The following NFIX variants were observed in gnomAD, a reference collection of about 807,000 sequenced individuals.
NFIX encodes nuclear factor I X, also known as nuclear factor 1 X-type.
A neutral mutation model predicts 53.3 loss-of-function variants in NFIX; 2 were observed. That is an observed-to-expected ratio of 0.04 (90% confidence interval 0.02 to 0.12). The LOEUF (loss-of-function observed/expected upper bound fraction) is 0.12, where lower values mean the gene tolerates loss of function less well. Ranked by LOEUF, NFIX falls within the 10% of genes least tolerant of loss-of-function variation. The pLI is 1.00. For synonymous variants in NFIX, 244 were observed against 289.0 expected (o/e 0.84, Z 1.58); for missense variants, 310 against 674.5 (o/e 0.46, Z 5.99).
At chr19:12,999,622 T>C (rs2011603899) in intron 1 of NFIX, among the ~76,000 whole-genome samples, 1 of 152,122 alleles carries the variant, frequency 6.6e-6, no homozygotes, top group African/African-American at 2.4e-5. Context: ...CACACACGGA[T>C]ACACCCGCTC....
At chr19:13,024,519 C>A in intron 1 of NFIX, 2 of 1,514,198 alleles carry the variant, frequency 1.3e-6, no homozygotes, top group Non-Finnish European at 1.8e-6. Context: ...AAAAATCGAC[C>A]GGTGTCGGGG....
At chr19:13,010,813 C>T (rs975170901) in intron 1 of NFIX, among the ~76,000 whole-genome samples, 1 of 152,158 alleles carries the variant, frequency 6.6e-6, no homozygotes, top group African/African-American at 2.4e-5. Flanking sequence ...GGCTTCAAAG[C>T]GGCATTCAGG....
intron 1 of NFIX, among the ~76,000 whole-genome samples, chr19:13,010,207 G>A (rs564625505): frequency 4.6e-5 from 7 of 152,192 alleles, no homozygotes; most frequent in Non-Finnish European, 7.3e-5. Flanking sequence ...GCGGGCGGCC[G>A]GCCCTGCCCC....
At chr19:12,999,974 G>A (rs969090915) in intron 1 of NFIX, among the ~76,000 whole-genome samples, 4 of 152,210 alleles carry the variant, frequency 2.6e-5, no homozygotes, top group Non-Finnish European at 5.9e-5. Context: ...GAGATGAGCT[G>A]GGGCTCCGTG....
intron 2 of NFIX, among the ~76,000 whole-genome samples, chr19:13,058,137 G>A (rs2015827749): frequency 6.6e-6 from 1 of 152,034 alleles, no homozygotes; most frequent in Admixed American, 6.5e-5. Context: ...CCCAGCTCCT[G>A]CTTCTCTGGA....
In NFIX at chr19:13,094,514, C is replaced by A; in HGVS notation, c.1495-121C>A. 1.0e-6 allele frequency: 1 copy of A among 990,450 alleles called. No homozygotes were observed. The highest frequency in any genetic ancestry group is 1.5e-6 in the Non-Finnish European group (1 of 670,058). The allele number at this position is 990,450 out of a possible 1,614,324, so 61.4% of individuals were successfully genotyped here. A position where few individuals can be genotyped will look rare whatever the true frequency, so the allele number is the denominator to read the frequency against. On this transcript the variant is annotated intron_variant, in intron 10 of 10. Transcript: ENST00000592199. This position sits in a 1 kb window ranked among gnomAD's most constrained non-coding sequence, Gnocchi z 4.3. Reference sequence around the variant, plus strand: ...ATGGGAACAAGGTGGGTGGTGGCTGCCCGGCACCCTGGCTCTTTGGGAGCT... The same window carrying A: ...ATGGGAACAAGGTGGGTGGTGGCTGACCGGCACCCTGGCTCTTTGGGAGCT...
At chr19:13,033,894 T>C (rs1204511864) in intron 2 of NFIX, among the ~76,000 whole-genome samples, 1 of 152,234 alleles carries the variant, frequency 6.6e-6, no homozygotes, top group Admixed American at 6.5e-5. Flanking sequence ...GCTCGTTTTG[T>C]CAGCTGCCTG....
chr19:13,002,889 G>A lies in NFIX; in HGVS notation c.27+7025G>A, dbSNP rs370656565. 1.3e-5 allele frequency among the ~76,000 whole-genome samples: 2 copies of A among 152,162 alleles called. No individual in the cohort carries two copies. Among genetic ancestry groups the A allele is most frequent in the South Asian group, 4.1e-4 (2 of 4,834 alleles). On this transcript the variant is annotated intron_variant, in intron 1 of 10. Transcript: ENST00000592199. The surrounding 1 kb of genome is among the most constrained non-coding windows in gnomAD (Gnocchi z 6.1). The stretch of plus-strand genomic sequence containing the variant: ...CCTGCCCCCTCAGCTGAAGCTCAGT[G>A]CCAGCCTTCCTGGCACAGATCGGGC...
At chr19:13,079,465 C>T (rs1004545310) in intron 7 of NFIX, among the ~76,000 whole-genome samples, 1 of 152,216 alleles carries the variant, frequency 6.6e-6, no homozygotes, top group Non-Finnish European at 1.5e-5. Flanking sequence ...CACTCCTTCA[C>T]TTTCTTCTTC....
In NFIX at chr19:13,060,442, G is replaced by C. The variant is rs549637313; in HGVS notation, c.560-12605G>C. ...TTGCCTCCTGGGGCATCAGCTCCCA[G>C]CTTGTGCTGCACCCTCTGACCACAA... is the stretch of plus-strand genomic sequence containing the variant. On this transcript the variant is annotated intron_variant, in intron 2 of 10. Coordinates refer to ENST00000592199, the MANE Select transcript of NFIX (RefSeq NM_001365902.3). The surrounding 1 kb of genome is among the most constrained non-coding windows in gnomAD (Gnocchi z 4.3). Among the ~76,000 whole-genome samples, 1 of 152,312 alleles carries C rather than the reference G, an allele frequency of 6.6e-6. No individual in the cohort carries two copies. Among genetic ancestry groups the C allele is most frequent in the South Asian group, 2.1e-4 (1 of 4,832 alleles).
At chr19:13,074,306 G>A (rs1369894797) in intron 5 of NFIX, among the ~76,000 whole-genome samples, 1 of 152,180 alleles carries the variant, frequency 6.6e-6, no homozygotes, top group Non-Finnish European at 1.5e-5. Flanking sequence ...GTCTTGGGGA[G>A]GTGACATTTG....
rs554880433 is a variant in NFIX at position 13,052,877 on chromosome 19, A to T, written c.560-20170A>T. Among the ~76,000 whole-genome samples the T allele has an allele frequency of 9.2e-5, 14 of 152,312 alleles. No homozygotes were observed. Among genetic ancestry groups the T allele is most frequent in the Non-Finnish European group, 5.9e-5 (4 of 68,024 alleles). On this transcript the variant is annotated intron_variant, in intron 2 of 10. Coordinates refer to ENST00000592199, the MANE Select transcript of NFIX (RefSeq NM_001365902.3). The surrounding 1 kb of genome is among the most constrained non-coding windows in gnomAD (Gnocchi z 5.2). ...GCCTGGCACTGCAGCCCAAGTCCCC[A>T]GGAGTCTGTGTCTTCCCATGTTCCC...
At chr19:13,041,264 G>T (rs1286872558) in intron 2 of NFIX, among the ~76,000 whole-genome samples, 1 of 152,122 alleles carries the variant, frequency 6.6e-6, no homozygotes. Context: ...TGCCTGGTAC[G>T]TACAGTCCCT....
At chr19:13,058,443 G>T (rs922721114) in intron 2 of NFIX, among the ~76,000 whole-genome samples, 2 of 151,846 alleles carry the variant, frequency 1.3e-5, no homozygotes, top group African/African-American at 4.8e-5. Context: ...GAGCCCAGGG[G>T]TTCGAGACCA....
chr19:13,081,988 A>C lies in NFIX; in HGVS notation c.1254+133A>C. On this transcript the variant is annotated intron_variant, in intron 8 of 10. Transcript: ENST00000592199. The surrounding 1 kb of genome is among the most constrained non-coding windows in gnomAD (Gnocchi z 4.7). ...GCTGGAGCAGCAGGGAGCTGGTAGTACCAAACGCCTCGATTTTCTGGGTCT... is the reference window on the plus strand; with the variant it reads ...GCTGGAGCAGCAGGGAGCTGGTAGTCCCAAACGCCTCGATTTTCTGGGTCT... 1 of 1,002,834 alleles carries C rather than the reference A, an allele frequency of 1.0e-6. No individual in the cohort carries two copies. Among genetic ancestry groups the C allele is most frequent in the Non-Finnish European group, 1.5e-6 (1 of 688,090 alleles). The allele number at this position is 1,002,834 out of a possible 1,614,324, so 62.1% of individuals were successfully genotyped here.
Position 13,028,455 on chromosome 19 carries a change from A to G in NFIX, c.559+2903A>G, listed in dbSNP as rs2013541541. 1.3e-5 allele frequency among the ~76,000 whole-genome samples: 2 copies of G among 152,194 alleles called. No homozygotes were observed. The highest frequency in any genetic ancestry group is 1.3e-4 in the Admixed American group (2 of 15,286). The stretch of plus-strand genomic sequence containing the variant: ...TTGCTCCCAGGTGCCATTGTCACCC[A>G]TGGCCTTCCTGAGCCCTTGTTATGT... On this transcript the variant is annotated intron_variant, in intron 2 of 10. Transcript: ENST00000592199. The surrounding 1 kb of genome is among the most constrained non-coding windows in gnomAD (Gnocchi z 4.2).
Position 13,001,330 on chromosome 19 carries a change from A to G in NFIX, c.27+5466A>G, listed in dbSNP as rs1168385305. Among the ~76,000 whole-genome samples the G allele has an allele frequency of 6.6e-6, 1 of 151,964 alleles. No individual in the cohort carries two copies. The highest frequency in any genetic ancestry group is 1.5e-5 in the Non-Finnish European group (1 of 68,000). On this transcript the variant is annotated intron_variant, in intron 1 of 10. Coordinates refer to ENST00000592199, the MANE Select transcript of NFIX (RefSeq NM_001365902.3). The surrounding 1 kb of genome is among the most constrained non-coding windows in gnomAD (Gnocchi z 6.5). ...CTCTCCATGTCTCCCAGCGTCCATC[A>G]CTGGGTGCTACCTGCATGTGACTCC... is the stretch of plus-strand genomic sequence containing the variant.
At chr19:13,058,222 C>G (rs913783380) in intron 2 of NFIX, among the ~76,000 whole-genome samples, 3 of 152,082 alleles carry the variant, frequency 2.0e-5, no homozygotes, top group Non-Finnish European at 2.9e-5. Context: ...AGGGGCTAAG[C>G]AGGACACCTT....
At chr19:13,007,875 G>C (rs1172938789) in intron 1 of NFIX, among the ~76,000 whole-genome samples, 1 of 152,116 alleles carries the variant, frequency 6.6e-6, no homozygotes, top group African/African-American at 2.4e-5. Flanking sequence ...TCGGTGGGGG[G>C]GTGCTCCAAT....
Sources: gnomAD v4.1 joint callset for allele counts (sites outside exome capture counted in the v4.1 genomes callset) on GRCh38, gnomAD v4.1.1 for gene constraint, Gnocchi (gnomAD v3.1) non-coding constraint, MANE v1.5 for transcripts, NCBI Gene and HGNC (gene_info 2026-07-23, HGNC 2026-07-21) for gene names.